The following IL1RAPL1 variants were observed in gnomAD, a reference collection of about 807,000 sequenced individuals.
IL1RAPL1 encodes the protein interleukin 1 receptor accessory protein like 1.
IL1RAPL1 carries 3 observed loss-of-function variants against 48.4 expected under a neutral mutation model. The observed-to-expected ratio is 0.06, with a 90% confidence interval of 0.03 to 0.16. The LOEUF (loss-of-function observed/expected upper bound fraction) is 0.16. IL1RAPL1 is among the 10% of genes least tolerant of loss of function. The probability of loss-of-function intolerance (pLI) is 1.00; values close to 1 mark genes in which losing one functional copy is unlikely to be tolerated. For synonymous variants in IL1RAPL1, 185 were observed against 187.7 expected (o/e 0.99, Z 0.12); for missense variants, 349 against 530.6 (o/e 0.66, Z 3.36).
chrX:28,621,252 C>T (rs1038973948), intron 1 of IL1RAPL1, among the ~76,000 whole-genome samples: 1 of 112,503 alleles, frequency 8.9e-6, no homozygotes, highest in South Asian at 3.7e-4. Context: ...GTACCTAATA[C>T]AGTGCCAGGA....
At chrX:28,835,192 C>A (rs1012682049) in intron 2 of IL1RAPL1, among the ~76,000 whole-genome samples, 1 of 111,752 alleles carries the variant, frequency 8.9e-6, no homozygotes, top group Non-Finnish European at 1.9e-5. Context: ...TCCTACACAT[C>A]ATGATATCTG....
At chrX:28,647,135 C>G (rs1410259832) in intron 1 of IL1RAPL1, among the ~76,000 whole-genome samples, 2 of 112,000 alleles carry the variant, frequency 1.8e-5, no homozygotes, top group Non-Finnish European at 3.8e-5. Flanking sequence ...TAGTACATGG[C>G]ACTACCATTA....
At chrX:29,950,679 T>TC (rs1245309947) in intron 9 of IL1RAPL1, among the ~76,000 whole-genome samples, 5 of 104,569 alleles carry the variant, frequency 4.8e-5, no homozygotes, top group African/African-American at 1.8e-4. Flanking sequence ...CCTTTTTTTT[T>TC]TTTTTCTTTT....
At chrX:29,254,178 A>G (rs1931715241) in intron 2 of IL1RAPL1, among the ~76,000 whole-genome samples, 1 of 111,563 alleles carries the variant, frequency 9.0e-6, no homozygotes, top group African/African-American at 3.2e-5. Flanking sequence ...AAAGCAAAAA[A>G]TTAAATGAAT....
chrX:29,582,635 T>C (rs375725402), intron 5 of IL1RAPL1, among the ~76,000 whole-genome samples: 2 of 65,011 alleles, frequency 3.1e-5, no homozygotes, highest in Non-Finnish European at 5.6e-5. Context: ...TGAGTGAGAA[T>C]ATGCGGTGTT....
At chrX:28,750,658 T>A (rs1331401258) in intron 1 of IL1RAPL1, among the ~76,000 whole-genome samples, 1 of 111,956 alleles carries the variant, frequency 8.9e-6, no homozygotes, top group African/African-American at 3.2e-5. Context: ...AGTATTAACC[T>A]TTCAGTAGTT....
chrX:29,002,692 A>G (rs188969044), intron 2 of IL1RAPL1, among the ~76,000 whole-genome samples: 44 of 112,115 alleles, frequency 3.9e-4, no homozygotes, highest in African/African-American at 1.2e-3. Flanking sequence ...GGATAAAACA[A>G]TAGATTTCAA....
chrX:29,450,523 C>T (rs994339680), intron 5 of IL1RAPL1, among the ~76,000 whole-genome samples: 1 of 111,511 alleles, frequency 9.0e-6, no homozygotes, highest in Non-Finnish European at 1.9e-5. Context: ...GATTTTGCCC[C>T]CAAGCCATAG....
In IL1RAPL1 at chrX:29,005,508, T is replaced by G. The variant is rs138968501; in HGVS notation, c.82+216083T>G. On this transcript the variant is annotated intron_variant, in intron 2 of 10. Transcript: ENST00000378993. Reference sequence around the variant, plus strand: ...TCCTTCAAGGCCCTTGAAAAACAAGTCTTCTGTGTCACGTTTTATCGGTTC... The same window carrying G: ...TCCTTCAAGGCCCTTGAAAAACAAGGCTTCTGTGTCACGTTTTATCGGTTC... Among the ~76,000 whole-genome samples the G allele has an allele frequency of 2.6e-3, 286 of 111,644 alleles. 1 individual carries two copies. The highest frequency in any genetic ancestry group is 9.3e-3 in the Middle Eastern group (2 of 216).
intron 5 of IL1RAPL1, among the ~76,000 whole-genome samples, chrX:29,587,527 A>G (rs1923220587): frequency 9.0e-6 from 1 of 111,679 alleles, no homozygotes; most frequent in South Asian, 3.7e-4. Context: ...GATTTTAAGC[A>G]TTTTCAATGC....
chrX:29,865,640 T>TC (rs1428365515), intron 6 of IL1RAPL1, among the ~76,000 whole-genome samples: 38 of 92,143 alleles, frequency 4.1e-4, no homozygotes, highest in South Asian at 1.8e-3. Flanking sequence ...TCTTTTCTTT[T>TC]TTTTTTTTTT....
chrX:28,817,682 C>T (rs1303583287), intron 2 of IL1RAPL1, among the ~76,000 whole-genome samples: 6 of 111,032 alleles, frequency 5.4e-5, no homozygotes, highest in Non-Finnish European at 1.1e-4. Flanking sequence ...TAAAAATATC[C>T]CTGTCTAAGT....
chrX:29,465,168 G>C (rs757982259), intron 5 of IL1RAPL1, among the ~76,000 whole-genome samples: 9 of 111,679 alleles, frequency 8.1e-5, no homozygotes, highest in Non-Finnish European at 1.7e-4. Context: ...ACTTTGGGAG[G>C]TCAAGGCAAG....
intron 6 of IL1RAPL1, among the ~76,000 whole-genome samples, chrX:29,874,316 G>GA (rs763018149): frequency 2.5e-4 from 28 of 110,859 alleles, no homozygotes; most frequent in East Asian, 8.5e-4. Flanking sequence ...GGGTTTTATG[G>GA]AAAAAAAATG....
chrX:29,594,623 A>G (rs1923483085), intron 5 of IL1RAPL1, among the ~76,000 whole-genome samples: 1 of 112,196 alleles, frequency 8.9e-6, no homozygotes, highest in South Asian at 3.7e-4. Flanking sequence ...TGAATGGTTT[A>G]CTTTAGAATT....
intron 6 of IL1RAPL1, among the ~76,000 whole-genome samples, chrX:29,697,257 C>T (rs1215816218): frequency 1.8e-5 from 2 of 111,340 alleles, no homozygotes; most frequent in South Asian, 3.7e-4. Context: ...CCACCAGCTA[C>T]GATGCTGCAC....
intron 5 of IL1RAPL1, among the ~76,000 whole-genome samples, chrX:29,406,550 C>A (rs955501785): frequency 9.0e-6 from 1 of 111,578 alleles, no homozygotes; most frequent in African/African-American, 3.3e-5. Context: ...AACATAATTG[C>A]GGTTTTTGCC....
At chrX:29,306,530 G>GAA (rs1166748708) in intron 3 of IL1RAPL1, among the ~76,000 whole-genome samples, 42 of 33,426 alleles carry the variant, frequency 1.3e-3, no homozygotes, top group African/African-American at 1.5e-3. Flanking sequence ...TCTGTCAAAA[G>GAA]AAAAAAAAAA....
chrX:29,052,437 G>A (rs1402684257), intron 2 of IL1RAPL1, among the ~76,000 whole-genome samples: 2 of 111,305 alleles, frequency 1.8e-5, no homozygotes, highest in Non-Finnish European at 3.8e-5. Context: ...CCCTGTGTTA[G>A]CAATTTTGAG....
Sources: allele counts gnomAD v4.1 joint callset (sites outside exome capture counted in the v4.1 genomes callset), GRCh38; gene constraint gnomAD v4.1.1; transcripts MANE v1.5; gene names NCBI Gene and HGNC (gene_info 2026-07-23, HGNC 2026-07-21).